SPECC1: variants seen among roughly 807,000 people sequenced by gnomAD.
The protein encoded by SPECC1 is cytospin-B.
SPECC1 carries 62 observed loss-of-function variants against 104.1 expected under a neutral mutation model. That is an observed-to-expected ratio of 0.60 (90% confidence interval 0.49 to 0.74). SPECC1 has a LOEUF of 0.74. Ranked by LOEUF, SPECC1 falls within the 30% of genes least tolerant of loss-of-function variation. The pLI is 0.00. For missense variants in SPECC1, 1,306 were observed against 1,310.5 expected (o/e 1.00, Z 0.05); for synonymous variants, 513 against 501.6 (o/e 1.02, Z -0.30).
rs1178440561 is a variant in SPECC1 at position 20,205,701 on chromosome 17, A to G, written c.1652A>G (p.Asn551Ser). The G allele has an allele frequency of 1.9e-6, 3 of 1,614,210 alleles. No individual in the cohort carries two copies. In the South Asian group the frequency reaches 3.3e-5, roughly 18 times the overall value. Residue 551 changes from asparagine (N) to serine (S), a missense_variant, in exon 4 of 15, where the codon AAT (asparagine) becomes AGT (serine). Asn to Ser is a conservative substitution (Grantham distance 46, BLOSUM62 1). Coordinates refer to ENST00000395527, the MANE Select transcript of SPECC1 (RefSeq NM_001243439.2). ...RVTLEGLKME[N>S]GSLKSHLQGE... ...ACCTTGGAAGGGCTAAAAATGGAGA[A>G]TGGATCTTTGAAGTCTCATTTGCAG...
intron 10 of SPECC1, among the ~76,000 whole-genome samples, chr17:20,255,495 G>A (rs1025725085): frequency 6.6e-6 from 1 of 152,228 alleles, no homozygotes; most frequent in African/African-American, 2.4e-5. Context: ...AACTAGGTAA[G>A]CCTTTGGTAG....
At chr17:20,285,541 A>G (rs1263655639) in intron 12 of SPECC1, among the ~76,000 whole-genome samples, 3 of 152,172 alleles carry the variant, frequency 2.0e-5, no homozygotes, top group South Asian at 2.1e-4. Context: ...AAATATTGCT[A>G]AAGTATTTAT....
At chr17:20,174,295 C>T (rs2034307321) in intron 3 of SPECC1, among the ~76,000 whole-genome samples, 1 of 151,936 alleles carries the variant, frequency 6.6e-6, no homozygotes, top group Non-Finnish European at 1.5e-5. Context: ...ATTTAAATTA[C>T]AATAAAGGTG....
intron 12 of SPECC1, among the ~76,000 whole-genome samples, chr17:20,288,039 A>G (rs1389772193): frequency 6.6e-6 from 1 of 151,616 alleles, no homozygotes; most frequent in Non-Finnish European, 1.5e-5. Context: ...TATAAATGAG[A>G]ACATACTTTG....
intron 3 of SPECC1, among the ~76,000 whole-genome samples, chr17:20,115,067 A>G (rs1169634681): frequency 1.3e-5 from 2 of 152,224 alleles, no homozygotes; most frequent in Non-Finnish European, 1.5e-5. Flanking sequence ...AAGATATAAC[A>G]TGGTGTGTTT....
At chr17:20,262,259 G>C (rs1481644515) in intron 12 of SPECC1, among the ~76,000 whole-genome samples, 4 of 152,150 alleles carry the variant, frequency 2.6e-5, no homozygotes, top group Admixed American at 1.3e-4. Context: ...GAATAACGCT[G>C]TTATGTTCTT....
chr17:20,158,536 T>TG (rs2032820205), intron 3 of SPECC1, among the ~76,000 whole-genome samples: 1 of 152,102 alleles, frequency 6.6e-6, no homozygotes, highest in Non-Finnish European at 1.5e-5. Flanking sequence ...GGCCACTTGA[T>TG]GGGGGAGCTC....
At chr17:20,213,248 A>G (rs1050680914) in intron 4 of SPECC1, among the ~76,000 whole-genome samples, 1 of 152,020 alleles carries the variant, frequency 6.6e-6, no homozygotes, top group African/African-American at 2.4e-5. Flanking sequence ...CAGGTGTGCA[A>G]CACTATGCCC....
At chr17:20,273,372 G>A (rs930228252) in intron 12 of SPECC1, among the ~76,000 whole-genome samples, 3 of 151,990 alleles carry the variant, frequency 2.0e-5, no homozygotes, top group African/African-American at 7.3e-5. Context: ...CAACTGCTTG[G>A]GAGGCTGAGG....
At chr17:20,238,553 CT>C in intron 7 of SPECC1, 1 of 1,043,014 alleles carries the variant, frequency 9.6e-7, no homozygotes, top group East Asian at 5.7e-5. Flanking sequence ...TCAGGAAGAT[CT>C]TTTGGGGTGT....
intron 3 of SPECC1, among the ~76,000 whole-genome samples, chr17:20,128,247 T>G (rs2049423177): frequency 1.3e-5 from 2 of 152,196 alleles, no homozygotes; most frequent in South Asian, 4.1e-4. Flanking sequence ...TCAGTGACTT[T>G]GAAATGTTGA....
Position 20,306,977 on chromosome 17 carries a change from A to G in SPECC1, c.3117+895A>G, listed in dbSNP as rs543016337. ...GAAAGAGATAAAAGGAGGAATAGAAACCACAAGGAAAGAATGATTCTATTT... is the reference window on the plus strand; with the variant it reads ...GAAAGAGATAAAAGGAGGAATAGAAGCCACAAGGAAAGAATGATTCTATTT... On this transcript the variant is annotated intron_variant, in intron 14 of 14. Transcript: ENST00000395527. 4.6e-5 allele frequency among the ~76,000 whole-genome samples: 7 copies of G among 152,298 alleles called. No individual in the cohort carries two copies. The South Asian group carries it at 1.5e-3, about 32-fold the overall frequency.
At chr17:20,100,380 T>G (rs2047888592) in intron 2 of SPECC1, among the ~76,000 whole-genome samples, 1 of 152,164 alleles carries the variant, frequency 6.6e-6, no homozygotes. Context: ...GAGGAAATGG[T>G]GGTGGACAAA....
intron 11 of SPECC1, among the ~76,000 whole-genome samples, chr17:20,258,934 C>T (rs548519539): frequency 2.6e-5 from 4 of 152,212 alleles, no homozygotes; most frequent in Non-Finnish European, 4.4e-5. Flanking sequence ...ATTTAGTTGA[C>T]AGTAAAAGTT....
intron 1 of SPECC1, among the ~76,000 whole-genome samples, chr17:20,059,412 C>T (rs1597629595): frequency 6.6e-6 from 1 of 152,176 alleles, no homozygotes; most frequent in East Asian, 1.9e-4. Flanking sequence ...AGGTGAAGCC[C>T]AGGTGGTAAT....
intron 1 of SPECC1, among the ~76,000 whole-genome samples, chr17:20,043,130 C>G (rs1479835039): frequency 6.6e-6 from 1 of 152,212 alleles, no homozygotes; most frequent in African/African-American, 2.4e-5. Context: ...TGGTCAGAAG[C>G]TGTCCAGTTC....
Position 20,251,201 on chromosome 17 carries a change from G to A in SPECC1, c.2599-2304G>A, listed in dbSNP as rs192547117. On this transcript the variant is annotated intron_variant, in intron 9 of 14. Coordinates refer to ENST00000395527, the MANE Select transcript of SPECC1 (RefSeq NM_001243439.2). The stretch of plus-strand genomic sequence containing the variant: ...TGAGATCATTGCCATTCCACTCCTG[G>A]GCGACAGAGTAAGACTCTATCTCAA... Among the ~76,000 whole-genome samples the A allele has an allele frequency of 8.3e-3, 574 of 69,342 alleles. 4 individuals carry two copies. The highest frequency in any genetic ancestry group is 0.03 in the African/African-American group (543 of 18,390). 45.5% of individuals were successfully genotyped at this position (69,342 alleles called of 152,430 possible).
At chr17:20,182,100 T>C (rs904643983) in intron 3 of SPECC1, among the ~76,000 whole-genome samples, 2 of 71,958 alleles carry the variant, frequency 2.8e-5, no homozygotes, top group Non-Finnish European at 4.8e-5. Flanking sequence ...ACCTCAATTT[T>C]TTCTTTTTCT....
In SPECC1 at chr17:20,204,960, T is replaced by C. The variant is rs763081560; in HGVS notation, c.911T>C (p.Ile304Thr). ...GACATTGATGAGTATAAAAAAAACA[T>C]ACATGGAAATGCATTACGGACATCA... ...SSDIDEYKKN[I>T]HGNALRTSGS... Residue 304 changes from isoleucine (I) to threonine (T), a missense_variant, in exon 4 of 15, where the codon ATA becomes ACA. Ile to Thr is a moderately conservative substitution (Grantham distance 89). Around this residue, in one of 2 missense-constraint regions of SPECC1, gnomAD observed 1,177 missense variants for 1,139.9 expected, o/e 1.03. Coordinates refer to ENST00000395527, the MANE Select transcript of SPECC1 (RefSeq NM_001243439.2). 53 of 1,613,964 alleles carry C rather than the reference T, an allele frequency of 3.3e-5. No individual in the cohort carries two copies. Among genetic ancestry groups the C allele is most frequent in the East Asian group, 4.5e-5 (2 of 44,892 alleles).
Sources: gnomAD v4.1 joint callset for allele counts (sites outside exome capture counted in the v4.1 genomes callset) on GRCh38, gnomAD v4.1.1 for gene constraint, gnomAD v4.1.1 regional missense constraint, MANE v1.5 for transcripts, NCBI Gene and HGNC (gene_info 2026-07-23, HGNC 2026-07-21) for gene names.